SLC38A4: variants seen among roughly 807,000 people sequenced by gnomAD.
SLC38A4 encodes sodium-coupled neutral amino acid transporter 4.
Under a neutral mutation model 63.1 loss-of-function variants are expected in SLC38A4, and 20 were observed. The observed-to-expected ratio is 0.32, with a 90% CI of 0.22 to 0.46. The LOEUF is 0.46. SLC38A4 is among the 20% of genes least tolerant of loss of function. The probability of loss-of-function intolerance (pLI) is 1.00; values close to 1 mark genes in which losing one functional copy is unlikely to be tolerated. For synonymous variants in SLC38A4, 230 were observed against 225.5 expected, an observed-to-expected ratio of 1.02 and a Z score of -0.18; for missense variants, 526 against 663.6, an observed-to-expected ratio of 0.79 and a Z score of 2.28.
intron 1 of SLC38A4, among the ~76,000 whole-genome samples, chr12:46,811,523 G>A (rs1199902036): frequency 1.3e-5 from 2 of 152,028 alleles, no homozygotes; most frequent in Admixed American, 1.3e-4. Flanking sequence ...CACTGGAAAG[G>A]TCAGTGCAGG....
At chr12:46,800,922 A>G (rs1939119171) in intron 2 of SLC38A4, among the ~76,000 whole-genome samples, 1 of 152,144 alleles carries the variant, frequency 6.6e-6, no homozygotes, top group Admixed American at 6.6e-5. Flanking sequence ...TTGTCAGGAG[A>G]AAAAATCGCT....
chr12:46,819,810 A>C (rs1939505696), intron 1 of SLC38A4, among the ~76,000 whole-genome samples: 1 of 151,964 alleles, frequency 6.6e-6, no homozygotes, highest in Non-Finnish European at 1.5e-5. Flanking sequence ...ACTACTACAC[A>C]TAGTTTTCTT....
intron 1 of SLC38A4, among the ~76,000 whole-genome samples, chr12:46,806,190 G>C (rs113057625): frequency 6.6e-6 from 1 of 151,850 alleles, no homozygotes; most frequent in African/African-American, 2.4e-5. Context: ...TAGCATGTTG[G>C]ATTAAAATTA....
At chr12:46,830,114 G>A (rs1939708962), upstream of SLC38A4, among the ~76,000 whole-genome samples, 1 of 152,036 alleles carries the variant, frequency 6.6e-6, no homozygotes, top group Admixed American at 6.5e-5. Context: ...CAATCTTCCA[G>A]CCTTTTGTTG....
chr12:46,827,472 A>T (rs1347105227), upstream of SLC38A4, among the ~76,000 whole-genome samples: 1 of 152,246 alleles, frequency 6.6e-6, no homozygotes, highest in Admixed American at 6.5e-5. Context: ...AAAGTCTGTT[A>T]TGAAAACCCA....
chr12:46,773,889 T>A (rs963386928), intron 14 of SLC38A4, among the ~76,000 whole-genome samples: 7 of 152,062 alleles, frequency 4.6e-5, no homozygotes. Flanking sequence ...TGTGCCAAAA[T>A]TTAGTGAGTG....
chr12:46,802,884 CTCTG>C (rs553158403), intron 2 of SLC38A4, among the ~76,000 whole-genome samples: 25 of 152,090 alleles, frequency 1.6e-4, no homozygotes, highest in African/African-American at 6.0e-4. Context: ...GGGAATTCTC[CTCTG>C]TCTGATTAAT....
intron 1 of SLC38A4, among the ~76,000 whole-genome samples, chr12:46,816,913 A>G (rs1382517574): frequency 6.6e-6 from 1 of 151,848 alleles, no homozygotes; most frequent in African/African-American, 2.4e-5. Flanking sequence ...GTAACTATGT[A>G]GGAAGTAACA....
chr12:46,772,510 T>A lies in SLC38A4; in HGVS notation c.1299+2539A>T, dbSNP rs1415374269. On this transcript the variant is annotated intron_variant, in intron 14 of 16. Transcript: ENST00000266579. ...GAAGCATAAGCTGAAAATGACATGA[T>A]CAGTCCTCTGGAAGGAGGTGCCATT... Among the ~76,000 whole-genome samples, 7 of 152,156 alleles carry A rather than the reference T, an allele frequency of 4.6e-5. 1 individual carries two copies. The highest frequency in any genetic ancestry group is 1.4e-4 in the African/African-American group (6 of 41,534).
At chr12:46,796,384 G>A (rs990678352) in intron 2 of SLC38A4, among the ~76,000 whole-genome samples, 2 of 152,096 alleles carry the variant, frequency 1.3e-5, no homozygotes, top group African/African-American at 2.4e-5. Flanking sequence ...TATTCTGTTT[G>A]TTCCCTTTGG....
At chr12:46,797,214 G>C (rs551419522) in intron 2 of SLC38A4, among the ~76,000 whole-genome samples, 58 of 152,230 alleles carry the variant, frequency 3.8e-4, no homozygotes, top group Admixed American at 1.5e-3. Context: ...TGGGAAGATA[G>C]CAAGTAAAAC....
intron 2 of SLC38A4, among the ~76,000 whole-genome samples, chr12:46,802,590 C>T (rs1400349384): frequency 6.6e-6 from 1 of 151,924 alleles, no homozygotes; most frequent in Non-Finnish European, 1.5e-5. Context: ...TAAATACTTT[C>T]AAGAAAATCC....
At chr12:46,775,001 A>C in intron 14 of SLC38A4, 48 bp downstream of exon 14, 1 of 1,599,712 alleles carries the variant, frequency 6.3e-7, no homozygotes, top group Non-Finnish European at 8.5e-7. Flanking sequence ...ACATGTACTA[A>C]TTTATGGGGT....
intron 13 of SLC38A4, 30 bp downstream of exon 13, chr12:46,776,874 A>G (rs754857011): frequency 1.9e-6 from 3 of 1,588,870 alleles, no homozygotes; most frequent in Non-Finnish European, 1.7e-6. Flanking sequence ...AAGGATTTGC[A>G]TATAGAGAAT....
At position 46,785,272 on chromosome 12, in the gene SLC38A4, C is replaced by T. The variant is rs1184515657; in HGVS notation, c.327-95G>A. Reference sequence around the variant, plus strand: ...CAATAAAGGATCACATTAATCTTTTCAATCATCAGCTTTCCAAAAGTATGT... The same window carrying T: ...CAATAAAGGATCACATTAATCTTTTTAATCATCAGCTTTCCAAAAGTATGT... On this transcript the variant is annotated intron_variant, in intron 5 of 16. Coordinates refer to ENST00000266579, the MANE Select transcript of SLC38A4 (RefSeq NM_018018.5). 1.2e-5 allele frequency: 12 copies of T among 990,382 alleles called. No individual in the cohort carries two copies. In the East Asian group the frequency reaches 3.1e-4, roughly 25 times the overall value. The allele number at this position is 990,382 out of a possible 1,614,324, so 61.3% of individuals were successfully genotyped here.
chr12:46,801,294 C>T (rs748439273), intron 2 of SLC38A4, among the ~76,000 whole-genome samples: 23 of 152,076 alleles, frequency 1.5e-4, no homozygotes, highest in African/African-American at 1.2e-4. Context: ...TGGATGGGTA[C>T]CTAAGAAGTT....
chr12:46,827,589 C>T (rs1414538235), upstream of SLC38A4, among the ~76,000 whole-genome samples: 2 of 152,078 alleles, frequency 1.3e-5, no homozygotes, highest in Non-Finnish European at 2.9e-5. Context: ...TACTTCCTGA[C>T]TCTGCTATAA....
Position 46,769,274 on chromosome 12 carries a change from T to C in SLC38A4, c.1444+10A>G. 2.5e-6 allele frequency: 4 copies of C among 1,612,740 alleles called. No homozygotes were observed. Among genetic ancestry groups the C allele is most frequent in the Non-Finnish European group, 3.4e-6 (4 of 1,179,098 alleles). On this transcript the variant is annotated intron_variant, in intron 15 of 16. Coordinates refer to ENST00000266579, the MANE Select transcript of SLC38A4 (RefSeq NM_018018.5). Reference sequence around the variant, plus strand: ...TGGGTTGACCAAATTGAAGCCTTTCTGAAACTCACCTATGAATCCGAAGAT... The same window carrying C: ...TGGGTTGACCAAATTGAAGCCTTTCCGAAACTCACCTATGAATCCGAAGAT...
chr12:46,775,794 G>A (rs984277149), intron 13 of SLC38A4, among the ~76,000 whole-genome samples: 1 of 151,906 alleles, frequency 6.6e-6, no homozygotes, highest in Non-Finnish European at 1.5e-5. Flanking sequence ...ACTCTAAGAC[G>A]AAGATGCAGC....
Sources: allele counts gnomAD v4.1 joint callset (sites outside exome capture counted in the v4.1 genomes callset), GRCh38; gene constraint gnomAD v4.1.1; transcripts MANE v1.5; gene names NCBI Gene and HGNC (gene_info 2026-07-23, HGNC 2026-07-21).